Variants in USP36 observed in about 807,000 individuals in gnomAD.
USP36 encodes the protein ubiquitin carboxyl-terminal hydrolase 36.
USP36 carries 59 observed loss-of-function variants against 111.5 expected under a neutral mutation model. The ratio of observed to expected loss-of-function variants is 0.53; its 90% CI spans 0.43 to 0.66. The LOEUF (loss-of-function observed/expected upper bound fraction) is 0.66, where lower values mean the gene tolerates loss of function less well. Among genes scored for constraint, USP36 ranks in the 30% least tolerant of loss-of-function variants. The pLI, the probability that USP36 is intolerant of heterozygous loss-of-function variation, is 0.00. For missense variants in USP36, 1,488 were observed against 1,468.0 expected (o/e 1.01, Z -0.22); for synonymous variants, 628 against 581.0 (o/e 1.08, Z -1.16).
intron 6 of USP36, among the ~76,000 whole-genome samples, chr17:78,824,223 G>A (rs1266516896): frequency 6.6e-6 from 1 of 152,098 alleles, no homozygotes; most frequent in East Asian, 1.9e-4. Context: ...CCCAAGGCTG[G>A]GCAAGAAAAA....
chr17:78,836,167 T>C lies in USP36; in HGVS notation c.197A>G (p.Lys66Arg), dbSNP rs1422429790. The C allele has an allele frequency of 6.2e-7, 1 of 1,614,018 alleles. No homozygotes were observed. Among genetic ancestry groups the C allele is most frequent in the South Asian group, 1.1e-5 (1 of 91,078 alleles). The change falls in exon 3 of 21, where the codon AAA becomes AGA. Residue 66 changes from lysine to arginine, a missense_variant. Around this residue, in one of 3 missense-constraint regions of USP36, gnomAD observed 219 missense variants for 209.5 expected, o/e 1.05. Transcript: ENST00000449938. ...LKSKYVLLNP[K>R]TEGASRHKSG... ...CTTGTGGCGACTAGCTCCCTCTGTT[T>C]TGGGGTTGAGCAACACATATTTGCT...
Position 78,807,468 on chromosome 17 carries a change from G to C in USP36, c.1576C>G (p.Pro526Ala). 2 of 1,614,068 alleles carry C rather than the reference G, an allele frequency of 1.2e-6. No homozygotes were observed. Among genetic ancestry groups the C allele is most frequent in the East Asian group, 2.2e-5 (1 of 44,874 alleles). The stretch of plus-strand genomic sequence containing the variant: ...TTTCCAGGGTCGTCTAGGATGGTTG[G>C]CATGTGTGTGGGTGTCTGGGAGAGT... ...PKLSQTPTHM[P>A]TILDDPGKKV... The change falls in exon 14 of 21, where the codon CCA becomes GCA. Residue 526 changes from proline (P) to alanine (A), a missense_variant. Pro to Ala is a conservative substitution (Grantham distance 27). Coordinates refer to ENST00000449938, the MANE Select transcript of USP36 (RefSeq NM_001385174.1).
chr17:78,798,307 CAT>C lies in USP36; in HGVS notation c.*20+91_*20+92del. On this transcript the variant is annotated intron_variant, in intron 20 of 20. Coordinates refer to ENST00000449938, the MANE Select transcript of USP36 (RefSeq NM_001385174.1). The surrounding 1 kb of genome is among the most constrained non-coding windows in gnomAD (Gnocchi z 5.1). ...TGCCAGATACACAGCCCACATACAT[CAT>C]ACACACACGCCACACCCCACCACAC... 6.6e-7 allele frequency: 1 copy of C among 1,509,558 alleles called. No homozygotes were observed. Among genetic ancestry groups the C allele is most frequent in the Non-Finnish European group, 8.9e-7 (1 of 1,119,776 alleles). 93.5% of individuals were successfully genotyped at this position (1,509,558 alleles called of 1,614,324 possible).
chr17:78,840,357 C>G (rs1357780770), intron 1 of USP36: 2 of 152,660 alleles, frequency 1.3e-5, no homozygotes, highest in Non-Finnish European at 2.9e-5. Flanking sequence ...CCGCTGAGCT[C>G]TGCGGCCGCA....
At chr17:78,818,807 T>C (rs373108679) in intron 9 of USP36, 29 bp from the exon 10 acceptor site, 3 of 1,609,918 alleles carry the variant, frequency 1.9e-6, no homozygotes, top group Non-Finnish European at 1.7e-6. Flanking sequence ...GAAAGATTAA[T>C]GAATGATTGA....
intron 3 of USP36, chr17:78,787,681 C>A (rs1598942380): frequency 6.6e-6 from 1 of 152,280 alleles, no homozygotes; most frequent in Non-Finnish European, 1.5e-5. Flanking sequence ...GATTGGGAGC[C>A]ACATTTAACT....
At chr17:78,828,169 G>C (rs750510070) in intron 5 of USP36, among the ~76,000 whole-genome samples, 3 of 152,158 alleles carry the variant, frequency 2.0e-5, no homozygotes, top group Non-Finnish European at 4.4e-5. Context: ...AGCTGTGATT[G>C]CACCACTGTC....
At chr17:78,794,036 C>G (rs2093603986), downstream of USP36, among the ~76,000 whole-genome samples, 1 of 152,214 alleles carries the variant, frequency 6.6e-6, no homozygotes, top group South Asian at 2.1e-4. Flanking sequence ...AACTAACCAC[C>G]CTAGCAGAAA....
At chr17:78,809,782 C>T (rs1395602817) in intron 13 of USP36, among the ~76,000 whole-genome samples, 3 of 152,104 alleles carry the variant, frequency 2.0e-5, no homozygotes, top group Admixed American at 2.0e-4. Context: ...ACCACCACAC[C>T]TGGCTAATTT....
At chr17:78,817,383 G>A (rs534664024) in intron 10 of USP36, among the ~76,000 whole-genome samples, 1 of 152,344 alleles carries the variant, frequency 6.6e-6, no homozygotes, top group South Asian at 2.1e-4. Flanking sequence ...CTACCAGTGA[G>A]GAAACGGAGG....
At chr17:78,818,171 G>A (rs144665968) in intron 10 of USP36, among the ~76,000 whole-genome samples, 43 of 152,296 alleles carry the variant, frequency 2.8e-4, no homozygotes, top group African/African-American at 8.7e-4. Context: ...GCCAGAGCAT[G>A]CAACGGCACC....
Position 78,798,461 on chromosome 17 carries a change from T to C in USP36, c.3331A>G (p.Thr1111Ala). The C allele has an allele frequency of 1.2e-6, 2 of 1,613,914 alleles. No individual in the cohort carries two copies. Among genetic ancestry groups the C allele is most frequent in the Non-Finnish European group, 8.5e-7 (1 of 1,179,986 alleles). The change falls in exon 20 of 21, where the codon ACT becomes GCT. Residue 1111 changes from threonine to alanine, a missense_variant. Physicochemically the swap from Thr to Ala is moderately conservative, Grantham distance 58. This residue lies in a region of USP36 where 1,073 missense variants were observed against 994.1 expected (regional missense o/e 1.08). Coordinates refer to ENST00000449938, the MANE Select transcript of USP36 (RefSeq NM_001385174.1). The surrounding 1 kb of genome is among the most constrained non-coding windows in gnomAD (Gnocchi z 5.1). ...LQTRRNFWSV[T>A]HPAKAASLSY... ...AGGCTGGCAGCCTTTGCTGGGTGAGTCACAGACCAGAAGTTCCGTCGAGTC... is the reference window on the plus strand; with the variant it reads ...AGGCTGGCAGCCTTTGCTGGGTGAGCCACAGACCAGAAGTTCCGTCGAGTC...
At chr17:78,794,526 G>C (rs1204835243), downstream of USP36, among the ~76,000 whole-genome samples, 4 of 152,174 alleles carry the variant, frequency 2.6e-5, no homozygotes, top group Non-Finnish European at 5.9e-5. Flanking sequence ...GGAGCCGTCA[G>C]TCCTGCCGGT....
Position 78,812,876 on chromosome 17 carries a change from G to C in USP36, c.1391C>G (p.Ser464Cys). Residue 464 changes from serine to cysteine, a missense_variant, in exon 13 of 21, where the codon TCC becomes TGC. Around this residue, in one of 3 missense-constraint regions of USP36, gnomAD observed 1,073 missense variants for 994.1 expected, o/e 1.08. Transcript: ENST00000449938. ...CACAAATACCTTTCCAGTCAGTGGG[G>C]AGGAAATAATCCCATTGCCGATGTT... ...KKNIGNGIIS[S>C]PLTGKRQDSG... The C allele has an allele frequency of 6.2e-7, 1 of 1,613,540 alleles. No homozygotes were observed. The highest frequency in any genetic ancestry group is 8.5e-7 in the Non-Finnish European group (1 of 1,179,978).
At position 78,802,295 on chromosome 17, in the gene USP36, C is replaced by A. The variant is rs374191326; in HGVS notation, c.3022+29G>T. The A allele has an allele frequency of 2.4e-4, 372 of 1,526,330 alleles. 4 individuals carry two copies. Among genetic ancestry groups the A allele is most frequent in the Middle Eastern group, 4.6e-4 (2 of 4,326 alleles). 94.5% of individuals were successfully genotyped at this position (1,526,330 alleles called of 1,614,324 possible). A position where few individuals can be genotyped will look rare whatever the true frequency, so the allele number is the denominator to read the frequency against. On this transcript the variant is annotated intron_variant, in intron 17 of 20. Coordinates refer to ENST00000449938, the MANE Select transcript of USP36 (RefSeq NM_001385174.1). ...ACCCCTCGCCCGGTGCACACCCATG[C>A]GGTTCCCACCCCCTCGCCCGGTGCA...
At chr17:78,809,586 G>T (rs1311451969) in intron 13 of USP36, among the ~76,000 whole-genome samples, 1 of 152,226 alleles carries the variant, frequency 6.6e-6, no homozygotes, top group East Asian at 1.9e-4. Flanking sequence ...CCACCCTCGG[G>T]CATCACTCTG....
At position 78,819,997 on chromosome 17, in the gene USP36, C is replaced by T. The variant is rs758733575; in HGVS notation, c.844G>A (p.Val282Met). 2 of 1,614,112 alleles carry T rather than the reference C, an allele frequency of 1.2e-6. No homozygotes were observed. Among genetic ancestry groups the T allele is most frequent in the Non-Finnish European group, 1.7e-6 (2 of 1,179,978 alleles). Reference sequence around the variant, plus strand: ...TTCACAAAAAGTTCCAGAGCACGCACAATATTCGCAGCTTGCTGAGGAGGA... The same window carrying T: ...TTCACAAAAAGTTCCAGAGCACGCATAATATTCGCAGCTTGCTGAGGAGGA... ...ALEIRQAANI[V>M]RALELFVKAD... Residue 282 changes from valine (V) to methionine (M), a missense_variant, in exon 9 of 21, where the codon GTG becomes ATG. By Grantham distance (21) the Val-to-Met change is conservative (BLOSUM62 1). Transcript: ENST00000449938.
chr17:78,793,832 G>C (rs1422343291), downstream of USP36, among the ~76,000 whole-genome samples: 1 of 152,068 alleles, frequency 6.6e-6, no homozygotes, highest in African/African-American at 2.4e-5. Flanking sequence ...AGACACCTGG[G>C]CTTTTTCCTA....
intron 10 of USP36, among the ~76,000 whole-genome samples, chr17:78,818,383 G>A (rs892538643): frequency 1.3e-5 from 2 of 152,078 alleles, no homozygotes; most frequent in African/African-American, 4.8e-5. Context: ...CAGATTCCTG[G>A]GCCCTGTCCT....
Sources: gnomAD v4.1 joint callset for allele counts (sites outside exome capture counted in the v4.1 genomes callset) on GRCh38, gnomAD v4.1.1 for gene constraint, gnomAD v4.1.1 regional missense constraint, Gnocchi (gnomAD v3.1) non-coding constraint, MANE v1.5 for transcripts, NCBI Gene and HGNC (gene_info 2026-07-23, HGNC 2026-07-21) for gene names.